PTPN4: variants seen among roughly 807,000 people sequenced by gnomAD.
PTPN4 encodes tyrosine-protein phosphatase non-receptor type 4.
PTPN4 carries 49 observed loss-of-function variants against 135.5 expected under a neutral mutation model. The observed-to-expected ratio is 0.36, with a 90% CI of 0.29 to 0.46. The LOEUF (loss-of-function observed/expected upper bound fraction) is 0.46. PTPN4 is among the 20% of genes least tolerant of loss of function. The probability of loss-of-function intolerance (pLI) is 1.00; values close to 1 mark genes in which losing one functional copy is unlikely to be tolerated. For missense variants in PTPN4, 860 were observed against 1,101.0 expected, an observed-to-expected ratio of 0.78 and a Z score of 3.10; for synonymous variants, 333 against 369.9, an observed-to-expected ratio of 0.90 and a Z score of 1.14.
intron 15 of PTPN4, among the ~76,000 whole-genome samples, chr2:119,940,430 C>G (rs145936523): frequency 6.6e-6 from 1 of 152,254 alleles, no homozygotes; most frequent in East Asian, 1.9e-4. Flanking sequence ...AAGACATGTT[C>G]TCTTGATCTA....
At chr2:119,840,448 A>G (rs781375305) in intron 2 of PTPN4, among the ~76,000 whole-genome samples, 4 of 152,190 alleles carry the variant, frequency 2.6e-5, no homozygotes, top group African/African-American at 9.7e-5. Context: ...ATAGTATTCC[A>G]TGGTGCGTAT....
chr2:119,962,487 T>A (rs911531786), intron 23 of PTPN4, 129 bp from the exon 24 acceptor site: 3 of 511,880 alleles, frequency 5.9e-6, no homozygotes, highest in Admixed American at 4.6e-5. Context: ...CAGATCGAGA[T>A]GAAATTTATT....
chr2:119,968,456 T>C lies in PTPN4; in HGVS notation c.2694+484T>C, dbSNP rs992427716. On this transcript the variant is annotated intron_variant, in intron 26 of 26. Transcript: ENST00000263708. ...CTTGATAGACCTGCTTTCTGTGAAA[T>C]AGCTGTGGTGAAATTGTTTTTCTTT... Among the ~76,000 whole-genome samples the C allele has an allele frequency of 3.3e-4, 51 of 152,294 alleles. 1 individual carries two copies. Among genetic ancestry groups the C allele is most frequent in the African/African-American group, 1.2e-3 (51 of 41,562 alleles).
At chr2:119,946,202 G>T (rs1679130459) in intron 16 of PTPN4, 139 bp from the exon 17 acceptor site, 4 of 663,310 alleles carry the variant, frequency 6.0e-6, no homozygotes, top group Non-Finnish European at 7.2e-6. Context: ...TTACTCTTCT[G>T]AACTAAAATT....
At chr2:119,881,310 G>A (rs1678074088) in intron 5 of PTPN4, among the ~76,000 whole-genome samples, 1 of 152,216 alleles carries the variant, frequency 6.6e-6, no homozygotes, top group Admixed American at 6.5e-5. Context: ...TCTGTAACAG[G>A]CAGCTTCCTG....
intron 2 of PTPN4, among the ~76,000 whole-genome samples, chr2:119,824,078 CGTTTA>C (rs1201792650): frequency 3.9e-5 from 6 of 152,246 alleles, no homozygotes; most frequent in African/African-American, 1.4e-4. Flanking sequence ...ATATGTATGT[CGTTTA>C]GTTTTCAAAT....
intron 8 of PTPN4, 95 bp from the exon 9 acceptor site, chr2:119,885,700 C>T: frequency 1.2e-6 from 1 of 803,514 alleles, no homozygotes; most frequent in Non-Finnish European, 1.9e-6. Flanking sequence ...AATTAGACTG[C>T]TCAGTTTTTT....
intron 1 of PTPN4, among the ~76,000 whole-genome samples, chr2:119,802,004 G>A (rs1414736895): frequency 3.4e-5 from 5 of 147,536 alleles, no homozygotes; most frequent in African/African-American, 7.5e-5. Flanking sequence ...GGGTTCAAGC[G>A]ATTCTCCTTC....
At chr2:119,810,577 T>C (rs1223831374) in intron 2 of PTPN4, among the ~76,000 whole-genome samples, 3 of 152,224 alleles carry the variant, frequency 2.0e-5, no homozygotes, top group African/African-American at 7.2e-5. Context: ...TACCATTTAC[T>C]TGTCCAGTTT....
chr2:119,976,659 G>A (rs992667437), intron 26 of PTPN4, among the ~76,000 whole-genome samples: 1 of 152,012 alleles, frequency 6.6e-6, no homozygotes, highest in Non-Finnish European at 1.5e-5. Flanking sequence ...TTTATTTTTT[G>A]GATAGATTCT....
intron 2 of PTPN4, among the ~76,000 whole-genome samples, chr2:119,830,270 T>G (rs941646423): frequency 2.6e-5 from 4 of 152,186 alleles, no homozygotes; most frequent in African/African-American, 9.7e-5. Context: ...CACCATTTGT[T>G]GAAATGATAA....
chr2:119,782,424 C>T (rs945858827), intron 1 of PTPN4, among the ~76,000 whole-genome samples: 22 of 151,436 alleles, frequency 1.5e-4, no homozygotes, highest in South Asian at 4.2e-4. Flanking sequence ...GTCTAAAAAA[C>T]GAAAAGAAAA....
chr2:119,958,759 A>T (rs1679325281), intron 22 of PTPN4, among the ~76,000 whole-genome samples: 1 of 152,208 alleles, frequency 6.6e-6, no homozygotes, highest in Non-Finnish European at 1.5e-5. Context: ...AAGACACTTT[A>T]TTTAATATAT....
At chr2:119,919,950 T>C (rs1678713472) in intron 11 of PTPN4, 119 bp from the exon 12 acceptor site, 2 of 1,346,576 alleles carry the variant, frequency 1.5e-6, no homozygotes, top group Middle Eastern at 2.7e-4. Flanking sequence ...GTTCTATCTA[T>C]ATCATTAACA....
At chr2:119,809,503 C>T (rs1238979724) in intron 1 of PTPN4, among the ~76,000 whole-genome samples, 1 of 151,634 alleles carries the variant, frequency 6.6e-6, no homozygotes, top group Non-Finnish European at 1.5e-5. Context: ...GAGTAATATC[C>T]AACTTCCTGA....
chr2:119,861,121 T>G (rs1408423947), intron 2 of PTPN4, among the ~76,000 whole-genome samples: 1 of 151,638 alleles, frequency 6.6e-6, no homozygotes, highest in Non-Finnish European at 1.5e-5. Flanking sequence ...TTCTGAGGGT[T>G]GCGTGCTGTC....
chr2:119,794,637 G>T (rs1691220086), intron 1 of PTPN4, among the ~76,000 whole-genome samples: 1 of 152,342 alleles, frequency 6.6e-6, no homozygotes, highest in South Asian at 2.1e-4. Flanking sequence ...GGGTGTCAGA[G>T]CCCTGGCTTG....
At position 119,978,510 on chromosome 2, in the gene PTPN4, C is replaced by T. The variant is rs1472467553; in HGVS notation, c.*1440C>T. ...AGCATGTTAATAAGGAGACTTTTGA[C>T]TGTCCAGCCTAATGGAGGATCTGAT... On this transcript the variant is annotated 3_prime_UTR_variant, in exon 27 of 27. Coordinates refer to ENST00000263708, the MANE Select transcript of PTPN4 (RefSeq NM_002830.4). 1.3e-5 allele frequency: 2 copies of T among 152,090 alleles called. No individual in the cohort carries two copies. The highest frequency in any genetic ancestry group is 2.9e-5 in the Non-Finnish European group (2 of 68,004). The allele number at this position is 152,090 out of a possible 1,614,324, so 9.4% of individuals were successfully genotyped here.
intron 1 of PTPN4, among the ~76,000 whole-genome samples, chr2:119,774,256 C>T (rs1417851351): frequency 2.6e-5 from 4 of 152,154 alleles, no homozygotes. Flanking sequence ...AGAGAAATGT[C>T]ACAACATTAC....
Sources: allele counts gnomAD v4.1 joint callset (sites outside exome capture counted in the v4.1 genomes callset), GRCh38; gene constraint gnomAD v4.1.1; transcripts MANE v1.5; gene names NCBI Gene and HGNC (gene_info 2026-07-23, HGNC 2026-07-21).